Variants in ATP8A2 observed in about 807,000 individuals in gnomAD.
The protein encoded by ATP8A2 is phospholipid-transporting ATPase IB.
Under a neutral mutation model 165.6 loss-of-function variants are expected in ATP8A2, and 100 were observed. That is an observed-to-expected ratio of 0.60 (90% CI 0.51 to 0.71). The LOEUF (loss-of-function observed/expected upper bound fraction) is 0.71, where lower values mean the gene tolerates loss of function less well. Among genes scored for constraint, ATP8A2 ranks in the 30% least tolerant of loss-of-function variants. The probability of loss-of-function intolerance (pLI) is 0.00; values close to 1 mark genes in which losing one functional copy is unlikely to be tolerated. For synonymous variants in ATP8A2, 543 were observed against 548.8 expected (o/e 0.99, Z 0.15); for missense variants, 1,227 against 1,479.5 (o/e 0.83, Z 2.80).
At chr13:25,935,555 G>A (rs1954861421) in intron 33 of ATP8A2, among the ~76,000 whole-genome samples, 1 of 152,216 alleles carries the variant, frequency 6.6e-6, no homozygotes, top group Non-Finnish European at 1.5e-5. Context: ...ACCAGCATCT[G>A]CTCCTGGTGA....
chr13:25,853,386 ATCT>A (rs1159017853), intron 30 of ATP8A2, among the ~76,000 whole-genome samples: 80 of 70,362 alleles, frequency 1.1e-3, no homozygotes, highest in Admixed American at 6.9e-3. Flanking sequence ...GCAAGACTCT[ATCT>A]AAAAAAAATA....
chr13:25,965,906 C>A (rs999483779), intron 34 of ATP8A2, among the ~76,000 whole-genome samples: 4 of 151,904 alleles, frequency 2.6e-5, no homozygotes, highest in Admixed American at 6.6e-5. Flanking sequence ...TTTTAACTTT[C>A]TAACTAAACT....
intron 35 of ATP8A2, among the ~76,000 whole-genome samples, chr13:26,005,174 G>A (rs989132297): frequency 2.8e-4 from 42 of 151,842 alleles, no homozygotes; most frequent in African/African-American, 1.0e-3. Context: ...TTGGTCAGTT[G>A]TGATAGGTTG....
intron 24 of ATP8A2, among the ~76,000 whole-genome samples, chr13:25,657,605 A>T (rs1242043889): frequency 6.6e-6 from 1 of 152,230 alleles, no homozygotes; most frequent in Admixed American, 6.5e-5. Context: ...CTTGGATTAG[A>T]TGCTGGCTGC....
intron 33 of ATP8A2, among the ~76,000 whole-genome samples, chr13:25,939,163 CT>C (rs1217635967): frequency 6.6e-6 from 1 of 152,052 alleles, no homozygotes. Context: ...CTTTGATTGC[CT>C]CATGGGAACT....
intron 1 of ATP8A2, among the ~76,000 whole-genome samples, chr13:25,459,305 C>G (rs2035443766): frequency 6.6e-6 from 1 of 152,202 alleles, no homozygotes; most frequent in South Asian, 2.1e-4. Flanking sequence ...CAGGATGATG[C>G]CTTAGGAGGT....
intron 2 of ATP8A2, among the ~76,000 whole-genome samples, chr13:25,522,792 G>A (rs534866245): frequency 6.6e-6 from 1 of 152,250 alleles, no homozygotes; most frequent in Admixed American, 6.5e-5. Flanking sequence ...TTTTTAATAT[G>A]TTGGTGAATT....
In ATP8A2 at chr13:25,985,097, A is replaced by G. The variant is rs1360361532; in HGVS notation, c.3377+16418A>G. Among the ~76,000 whole-genome samples, 3 of 152,376 alleles carry G rather than the reference A, an allele frequency of 2.0e-5. No individual in the cohort carries two copies. In the East Asian group the frequency reaches 5.8e-4, roughly 29 times the overall value. On this transcript the variant is annotated intron_variant, in intron 35 of 36. Transcript: ENST00000381655. ...AGAATGACATTGCATTGGGCTGACC[A>G]TAAAGTACCCTCCATCCCCAGGGCA...
chr13:25,789,563 G>T (rs537150527), intron 27 of ATP8A2, among the ~76,000 whole-genome samples: 3 of 151,996 alleles, frequency 2.0e-5, no homozygotes, highest in Non-Finnish European at 4.4e-5. Context: ...AATACAAAAC[G>T]CTGCTCAAAA....
intron 30 of ATP8A2, among the ~76,000 whole-genome samples, chr13:25,843,914 G>C (rs1420299995): frequency 6.6e-6 from 1 of 152,136 alleles, no homozygotes; most frequent in Admixed American, 6.5e-5. Flanking sequence ...GCGGAGGGGG[G>C]GACTTTTTCT....
chr13:25,731,126 AAGAGAG>A (rs146210880), intron 25 of ATP8A2, among the ~76,000 whole-genome samples: 3 of 117,604 alleles, frequency 2.6e-5, no homozygotes, highest in Non-Finnish European at 3.5e-5. Flanking sequence ...GGGAAAAGAA[AAGAGAG>A]AGAGAGAGAG....
At chr13:26,011,888 T>C (rs1473833231) in intron 35 of ATP8A2, among the ~76,000 whole-genome samples, 1 of 152,110 alleles carries the variant, frequency 6.6e-6, no homozygotes, top group Non-Finnish European at 1.5e-5. Context: ...TGAGCTATGA[T>C]TGTGCCACTG....
chr13:25,381,798 A>G (rs7319970), intron 1 of ATP8A2, among the ~76,000 whole-genome samples: 1,990 of 152,266 alleles, frequency 0.013, 41 homozygotes, highest in African/African-American at 0.045. Context: ...TAGGAGAGCT[A>G]GTCCAGAGTT....
chr13:25,477,621 AT>A (rs1221400162), intron 2 of ATP8A2, among the ~76,000 whole-genome samples: 1 of 152,138 alleles, frequency 6.6e-6, no homozygotes, highest in Non-Finnish European at 1.5e-5. Flanking sequence ...CAACTCTATT[AT>A]TTTTGCAACT....
intron 23 of ATP8A2, among the ~76,000 whole-genome samples, chr13:25,589,172 A>C (rs745637042): frequency 6.6e-6 from 1 of 152,196 alleles, no homozygotes; most frequent in Non-Finnish European, 1.5e-5. Flanking sequence ...GATTACTTTA[A>C]ATTTTTCACA....
chr13:25,469,059 A>G lies in ATP8A2; in HGVS notation c.159A>G (p.Ala53=). The G allele has an allele frequency of 6.2e-7, 1 of 1,614,020 alleles. No homozygotes were observed. Among genetic ancestry groups the G allele is most frequent in the Non-Finnish European group, 8.5e-7 (1 of 1,179,902 alleles). Residue 53 remains alanine, a synonymous_variant, in exon 2 of 37, where the codon GCA becomes GCG. Transcript: ENST00000381655. Reference sequence around the variant, plus strand: ...CGTCTGTTGGAGACCAGCTGGAGGCACCCGCCCGCACCATTTACCTCAACC... The same window carrying G: ...CGTCTGTTGGAGACCAGCTGGAGGCGCCCGCCCGCACCATTTACCTCAACC... The part of the protein sequence containing the change: ...RATSVGDQLE[A]PARTIYLNQP...
chr13:25,618,307 G>C (rs1046163969), intron 24 of ATP8A2, among the ~76,000 whole-genome samples: 9 of 152,146 alleles, frequency 5.9e-5, no homozygotes, highest in African/African-American at 2.2e-4. Flanking sequence ...TGAGTAGGAG[G>C]ACCTGAGGAA....
intron 1 of ATP8A2, among the ~76,000 whole-genome samples, chr13:25,378,227 T>C (rs2032708020): frequency 2.0e-5 from 3 of 152,212 alleles, no homozygotes; most frequent in Admixed American, 2.0e-4. Flanking sequence ...TTTATGTGAA[T>C]AGGTCTCTTG....
At chr13:25,935,774 C>T (rs935223591) in intron 33 of ATP8A2, among the ~76,000 whole-genome samples, 5 of 152,134 alleles carry the variant, frequency 3.3e-5, no homozygotes, top group Admixed American at 2.6e-4. Context: ...CCACCTTCAA[C>T]GTGGGGGATC....
Sources: allele counts gnomAD v4.1 joint callset (sites outside exome capture counted in the v4.1 genomes callset), GRCh38; gene constraint gnomAD v4.1.1; transcripts MANE v1.5; gene names NCBI Gene and HGNC (gene_info 2026-07-23, HGNC 2026-07-21).